The following TYW1 variants were observed in gnomAD, a reference collection of about 807,000 sequenced individuals.
TYW1 encodes the protein tRNA-yW synthesizing protein 1 homolog.
Under a neutral mutation model 96.2 loss-of-function variants are expected in TYW1, and 46 were observed. The observed-to-expected ratio is 0.48, with a 90% confidence interval of 0.38 to 0.61. The LOEUF (loss-of-function observed/expected upper bound fraction) is 0.61, where lower values mean the gene tolerates loss of function less well. Among genes scored for constraint, TYW1 ranks in the 20% least tolerant of loss-of-function variants. TYW1 has a pLI of 0.00. For synonymous variants in TYW1, 274 were observed against 323.0 expected (o/e 0.85, Z 1.63); for missense variants, 684 against 909.6 (o/e 0.75, Z 3.19).
intron 13 of TYW1, among the ~76,000 whole-genome samples, chr7:67,125,531 T>A (rs1325198263): frequency 6.9e-6 from 1 of 145,650 alleles, no homozygotes; most frequent in East Asian, 2.1e-4. Context: ...CCCGCAAGAG[T>A]GGCACATTTA....
intron 6 of TYW1, among the ~76,000 whole-genome samples, chr7:67,023,866 G>A (rs1186041650): frequency 3.3e-5 from 5 of 152,154 alleles, no homozygotes; most frequent in African/African-American, 9.7e-5. Flanking sequence ...AGGCTGCCAC[G>A]TATTAGCTGT....
chr7:67,137,844 T>G (rs1320606253), intron 13 of TYW1, among the ~76,000 whole-genome samples: 1 of 152,230 alleles, frequency 6.6e-6, no homozygotes, highest in African/African-American at 2.4e-5. Context: ...TGGTGCTTAG[T>G]AAGTGTTTCT....
intron 11 of TYW1, among the ~76,000 whole-genome samples, chr7:67,094,714 C>G (rs1796840753): frequency 6.8e-6 from 1 of 148,008 alleles, no homozygotes; most frequent in Admixed American, 6.8e-5. Context: ...ACACCAATAC[C>G]TTAACTTAAA....
intron 9 of TYW1, chr7:67,067,010 AGTC>A (rs1376853460): frequency 2.2e-6 from 1 of 449,324 alleles, no homozygotes; most frequent in Non-Finnish European, 4.1e-6. Context: ...TATTTGAAGG[AGTC>A]TGATGGATTT....
At chr7:67,018,247 A>G (rs1367077907) in intron 6 of TYW1, 104 bp downstream of exon 6, 1 of 1,451,262 alleles carries the variant, frequency 6.9e-7, no homozygotes, top group Non-Finnish European at 9.3e-7. Flanking sequence ...TCTGGTTAGA[A>G]GGAAGATCTG....
chr7:67,005,995 C>A (rs1045554584), intron 3 of TYW1, among the ~76,000 whole-genome samples: 9 of 152,152 alleles, frequency 5.9e-5, no homozygotes, highest in Admixed American at 4.6e-4. Flanking sequence ...TCAAATCTCA[C>A]TTTATCCTTG....
At chr7:67,041,642 A>G (rs7795108) in intron 7 of TYW1, among the ~76,000 whole-genome samples, 102,507 of 151,994 alleles carry the variant, frequency 0.67, 34,679 homozygotes, top group Admixed American at 0.77. Context: ...CATTCCCCGA[A>G]TGCTTTCCGC....
chr7:67,117,812 T>A (rs1222347813), intron 13 of TYW1, among the ~76,000 whole-genome samples, 194 bp downstream of exon 13: 1 of 152,258 alleles, frequency 6.6e-6, no homozygotes, highest in Non-Finnish European at 1.5e-5. Flanking sequence ...TACTATTTGT[T>A]AAATAATTAT....
intron 15 of TYW1, among the ~76,000 whole-genome samples, chr7:67,205,220 C>G (rs1301562735): frequency 6.6e-6 from 1 of 152,072 alleles, no homozygotes; most frequent in Non-Finnish European, 1.5e-5. Flanking sequence ...TCCATTTCCC[C>G]CCTCAGCTTC....
At chr7:67,114,242 A>AT (rs1237081676) in intron 12 of TYW1, 3 of 153,714 alleles carry the variant, frequency 2.0e-5, no homozygotes, top group South Asian at 2.0e-4. Flanking sequence ...CACTCTGCTT[A>AT]TTTTTTTTAT....
chr7:67,087,687 G>A (rs1251857357), intron 11 of TYW1, among the ~76,000 whole-genome samples: 8 of 152,056 alleles, frequency 5.3e-5, no homozygotes, highest in Non-Finnish European at 8.8e-5. Context: ...TTGCTGGAAG[G>A]GTTTTCAGAG....
At chr7:67,065,026 C>A (rs762825899) in intron 9 of TYW1, among the ~76,000 whole-genome samples, 1 of 152,222 alleles carries the variant, frequency 6.6e-6, no homozygotes, top group Non-Finnish European at 1.5e-5. Flanking sequence ...GCTTCTATGC[C>A]TGTGTCTTAC....
At chr7:67,085,150 C>T (rs1209813229) in intron 11 of TYW1, among the ~76,000 whole-genome samples, 1 of 152,294 alleles carries the variant, frequency 6.6e-6, no homozygotes, top group East Asian at 1.9e-4. Context: ...GATTCTTTCA[C>T]GTAAGGAAAT....
intron 10 of TYW1, among the ~76,000 whole-genome samples, chr7:67,078,067 A>G (rs1049326552): frequency 6.6e-6 from 1 of 151,128 alleles, no homozygotes; most frequent in Non-Finnish European, 1.5e-5. Context: ...CTTTGGTTAC[A>G]GTAGGTTTAT....
At chr7:67,190,190 G>A (rs1800164156) in intron 14 of TYW1, among the ~76,000 whole-genome samples, 1 of 152,196 alleles carries the variant, frequency 6.6e-6, no homozygotes, top group Non-Finnish European at 1.5e-5. Context: ...CTCCCACAAA[G>A]GTGAGGAATA....
intron 10 of TYW1, among the ~76,000 whole-genome samples, chr7:67,078,358 G>A (rs555842446): frequency 6.6e-6 from 1 of 151,964 alleles, no homozygotes; most frequent in African/African-American, 2.4e-5. Flanking sequence ...GCCTCCCAAA[G>A]TGCTGGGATT....
At chr7:67,015,806 C>T (rs1393977489) in intron 5 of TYW1, among the ~76,000 whole-genome samples, 1 of 151,764 alleles carries the variant, frequency 6.6e-6, no homozygotes, top group Admixed American at 6.6e-5. Context: ...GCTAAAAATA[C>T]AAAAAAATTA....
At chr7:67,154,271 A>G (rs1798896921) in intron 13 of TYW1, among the ~76,000 whole-genome samples, 1 of 152,170 alleles carries the variant, frequency 6.6e-6, no homozygotes, top group Non-Finnish European at 1.5e-5. Flanking sequence ...GATTATAAAC[A>G]GTTGAGCATA....
intron 13 of TYW1, among the ~76,000 whole-genome samples, chr7:67,171,332 CTTTTGGTTTCT>C (rs964857956): frequency 5.9e-5 from 9 of 152,100 alleles, no homozygotes; most frequent in Non-Finnish European, 1.2e-4. Context: ...ATAGAACATA[CTTTTGGTTTCT>C]TTGTCTCCCG....
Sources: gnomAD v4.1 joint callset for allele counts (sites outside exome capture counted in the v4.1 genomes callset) on GRCh38, gnomAD v4.1.1 for gene constraint, MANE v1.5 for transcripts, NCBI Gene and HGNC (gene_info 2026-07-23, HGNC 2026-07-21) for gene names.